Variants in EXOC6B observed in about 807,000 individuals in gnomAD.
EXOC6B encodes the protein exocyst complex component 6B.
A neutral mutation model predicts 113.5 loss-of-function variants in EXOC6B; 54 were observed. The ratio of observed to expected loss-of-function variants is 0.48; its 90% CI spans 0.38 to 0.60. EXOC6B has a LOEUF of 0.60. Among genes scored for constraint, EXOC6B ranks in the 20% least tolerant of loss-of-function variants. The probability of loss-of-function intolerance (pLI) is 0.00; values close to 1 mark genes in which losing one functional copy is unlikely to be tolerated. For missense variants in EXOC6B, 797 were observed against 977.5 expected (o/e 0.82, Z 2.46); for synonymous variants, 357 against 339.0 (o/e 1.05, Z -0.58).
intron 20 of EXOC6B, among the ~76,000 whole-genome samples, chr2:72,239,782 T>C (rs1378894577): frequency 6.6e-6 from 1 of 152,230 alleles, no homozygotes; most frequent in East Asian, 1.9e-4. Context: ...TACCAATCCA[T>C]GAGCATGAGA....
chr2:72,371,813 T>A lies in EXOC6B; in HGVS notation c.2122+7916A>T, dbSNP rs559136693. ...CTTTCAGCATTGTTTTTCAACATAGTACTGAAAGTCCTATAGAGCAATTAA... is the reference window on the plus strand; with the variant it reads ...CTTTCAGCATTGTTTTTCAACATAGAACTGAAAGTCCTATAGAGCAATTAA... On this transcript the variant is annotated intron_variant, in intron 19 of 21. Transcript: ENST00000272427. 1.2e-4 allele frequency among the ~76,000 whole-genome samples: 19 copies of A among 152,264 alleles called. No homozygotes were observed. The South Asian group carries it at 3.9e-3, about 32-fold the overall frequency.
intron 6 of EXOC6B, among the ~76,000 whole-genome samples, chr2:72,704,291 C>T (rs987352089): frequency 6.6e-6 from 1 of 151,016 alleles, no homozygotes; most frequent in African/African-American, 2.4e-5. Flanking sequence ...AGAACAAAGA[C>T]ACAACATACC....
intron 5 of EXOC6B, among the ~76,000 whole-genome samples, chr2:72,729,431 G>C (rs1000483105): frequency 1.5e-5 from 1 of 65,164 alleles, no homozygotes; most frequent in Non-Finnish European, 2.8e-5. Context: ...TTTTTTTTTT[G>C]AGACAGATTC....
chr2:72,623,460 T>G (rs1573505582), intron 6 of EXOC6B, among the ~76,000 whole-genome samples: 1 of 152,218 alleles, frequency 6.6e-6, no homozygotes, highest in East Asian at 1.9e-4. Flanking sequence ...GCTTAGCATC[T>G]TCTCTATTAC....
At chr2:72,490,183 A>G (rs1699665102) in intron 16 of EXOC6B, among the ~76,000 whole-genome samples, 1 of 152,176 alleles carries the variant, frequency 6.6e-6, no homozygotes, top group Non-Finnish European at 1.5e-5. Context: ...TTAAATCAAT[A>G]TGGAAGGCAG....
chr2:72,699,834 G>A (rs1005907695), intron 6 of EXOC6B, among the ~76,000 whole-genome samples: 1 of 152,174 alleles, frequency 6.6e-6, no homozygotes, highest in Admixed American at 6.5e-5. Flanking sequence ...CATGGTTCAA[G>A]ATAGCTTTTA....
Position 72,394,918 on chromosome 2 carries a change from G to T in EXOC6B, c.1981-15048C>A, listed in dbSNP as rs114998891. 6.9e-3 allele frequency among the ~76,000 whole-genome samples: 1,049 copies of T among 152,166 alleles called. 13 individuals carry two copies. The highest frequency in any genetic ancestry group is 0.024 in the African/African-American group (998 of 41,504). On this transcript the variant is annotated intron_variant, in intron 18 of 21. Coordinates refer to ENST00000272427, the MANE Select transcript of EXOC6B (RefSeq NM_015189.3). ...TCTCAACTGTAATTTCACTTAAAGTGCATTTTAAGTGGAGCCCTCCCAGAT... is the reference window on the plus strand; with the variant it reads ...TCTCAACTGTAATTTCACTTAAAGTTCATTTTAAGTGGAGCCCTCCCAGAT...
chr2:72,550,838 T>C (rs1035023495), intron 8 of EXOC6B, among the ~76,000 whole-genome samples: 1 of 151,988 alleles, frequency 6.6e-6, no homozygotes, highest in African/African-American at 2.4e-5. Context: ...CAAACACTTT[T>C]AAAAATACCA....
At chr2:72,589,813 T>G (rs960287272) in intron 6 of EXOC6B, among the ~76,000 whole-genome samples, 1 of 151,552 alleles carries the variant, frequency 6.6e-6, no homozygotes, top group Non-Finnish European at 1.5e-5. Context: ...TATAACTTAG[T>G]TGACATGGCA....
intron 6 of EXOC6B, among the ~76,000 whole-genome samples, chr2:72,650,471 T>C (rs1674080272): frequency 1.3e-5 from 2 of 152,048 alleles, no homozygotes; most frequent in South Asian, 4.1e-4. Context: ...CATGGTGGCA[T>C]ACGCCTATAC....
At position 72,418,661 on chromosome 2, in the gene EXOC6B, T is replaced by A. The variant is rs189097882; in HGVS notation, c.1981-38791A>T. ...TCTTTTGGTTACTGTTTGCATGGAATCTTTTTCCATGCTTCTACTTTGAAC... is the reference window on the plus strand; with the variant it reads ...TCTTTTGGTTACTGTTTGCATGGAAACTTTTTCCATGCTTCTACTTTGAAC... On this transcript the variant is annotated intron_variant, in intron 18 of 21. Transcript: ENST00000272427. Among the ~76,000 whole-genome samples, 9 of 152,318 alleles carry A rather than the reference T, an allele frequency of 5.9e-5. No individual in the cohort carries two copies. The East Asian group carries it at 1.7e-3, about 29-fold the overall frequency.
intron 3 of EXOC6B, among the ~76,000 whole-genome samples, chr2:72,732,693 A>G (rs533297223): frequency 6.6e-6 from 1 of 152,330 alleles, no homozygotes; most frequent in South Asian, 2.1e-4. Flanking sequence ...GAAAGGATCA[A>G]AAGAATGCAC....
At chr2:72,291,270 T>G (rs1216383575) in intron 20 of EXOC6B, among the ~76,000 whole-genome samples, 1 of 152,230 alleles carries the variant, frequency 6.6e-6, no homozygotes, top group Non-Finnish European at 1.5e-5. Context: ...CTCTTCTGCA[T>G]GATGAGTCAT....
chr2:72,744,129 T>C (rs1681535441), intron 1 of EXOC6B, among the ~76,000 whole-genome samples: 1 of 152,230 alleles, frequency 6.6e-6, no homozygotes, highest in Non-Finnish European at 1.5e-5. Flanking sequence ...AGCAATAGGC[T>C]ATACCATATA....
In EXOC6B at chr2:72,434,384, T is replaced by C. The variant is rs757171873; in HGVS notation, c.1980+30776A>G. Among the ~76,000 whole-genome samples, 43 of 152,194 alleles carry C rather than the reference T, an allele frequency of 2.8e-4. 1 individual carries two copies. The highest frequency in any genetic ancestry group is 2.0e-3 in the Admixed American group (30 of 15,284). On this transcript the variant is annotated intron_variant, in intron 18 of 21. Coordinates refer to ENST00000272427, the MANE Select transcript of EXOC6B (RefSeq NM_015189.3). Reference sequence around the variant, plus strand: ...AAATTTTCTTTTTTTATTGTGTCTCTACCAGGTCATCATATCAGGATGATG... The same window carrying C: ...AAATTTTCTTTTTTTATTGTGTCTCCACCAGGTCATCATATCAGGATGATG...
chr2:72,206,343 A>G (rs180866002), intron 20 of EXOC6B, among the ~76,000 whole-genome samples: 18 of 152,324 alleles, frequency 1.2e-4, no homozygotes, highest in South Asian at 8.3e-4. Flanking sequence ...TGCTAGGCAG[A>G]CTGAATAAAG....
intron 19 of EXOC6B, among the ~76,000 whole-genome samples, chr2:72,353,724 AC>A (rs1689806348): frequency 6.6e-6 from 1 of 152,102 alleles, no homozygotes; most frequent in Non-Finnish European, 1.5e-5. Context: ...TAAAAAAAAA[AC>A]AACAGTAAAA....
intron 21 of EXOC6B, 133 bp from the exon 22 acceptor site, chr2:72,179,594 T>C: frequency 9.7e-7 from 1 of 1,034,056 alleles, no homozygotes; most frequent in Non-Finnish European, 1.4e-6. Context: ...ATATCTCCAC[T>C]GTCAGGCCCA....
At chr2:72,626,035 A>T (rs1026700228) in intron 6 of EXOC6B, among the ~76,000 whole-genome samples, 1 of 152,102 alleles carries the variant, frequency 6.6e-6, no homozygotes. Context: ...CCTTTTCCAC[A>T]TCAGGACTAT....
Sources: gnomAD v4.1 joint callset for allele counts (sites outside exome capture counted in the v4.1 genomes callset) on GRCh38, gnomAD v4.1.1 for gene constraint, MANE v1.5 for transcripts, NCBI Gene and HGNC (gene_info 2026-07-23, HGNC 2026-07-21) for gene names.